DENND2B: variants seen among roughly 807,000 people sequenced by gnomAD.
The protein encoded by DENND2B is DENN domain containing 2B, also known as DENN domain-containing protein 2B.
In DENND2B, 32 loss-of-function variants were observed where a neutral mutation model predicts 116.0. The observed-to-expected ratio is 0.28, with a 90% confidence interval of 0.21 to 0.37. The LOEUF (loss-of-function observed/expected upper bound fraction) is 0.37, where lower values mean the gene tolerates loss of function less well. Ranked by LOEUF, DENND2B falls within the 10% of genes least tolerant of loss-of-function variation. The pLI is 1.00. For synonymous variants in DENND2B, 588 were observed against 583.9 expected (o/e 1.01, Z -0.10); for missense variants, 1,276 against 1,477.7 (o/e 0.86, Z 2.24).
intron 2 of DENND2B, among the ~76,000 whole-genome samples, chr11:8,745,770 T>C (rs1016401982): frequency 6.6e-6 from 1 of 152,216 alleles, no homozygotes; most frequent in Non-Finnish European, 1.5e-5. Context: ...TATGAAGGCA[T>C]GCTGCCAAGT....
chr11:8,788,345 C>A (rs144990889), intron 1 of DENND2B, among the ~76,000 whole-genome samples: 54 of 152,288 alleles, frequency 3.5e-4, no homozygotes, highest in Admixed American at 1.9e-3. Flanking sequence ...TATCACAATT[C>A]TTTTCCTCTT....
At chr11:8,817,813 A>C (rs2061622450) in intron 4 of DENND2B, among the ~76,000 whole-genome samples, 1 of 152,066 alleles carries the variant, frequency 6.6e-6, no homozygotes, top group Admixed American at 6.6e-5. Flanking sequence ...CAATTTTCTG[A>C]AATCTCTCAA....
intron 1 of DENND2B, among the ~76,000 whole-genome samples, chr11:8,884,321 T>TG (rs2063936214): frequency 6.6e-6 from 1 of 152,118 alleles, no homozygotes; most frequent in Admixed American, 6.5e-5. Context: ...CCTTTGTTTT[T>TG]TTGTTGTTGT....
Position 8,786,636 on chromosome 11 carries a change from C to G in DENND2B, c.-26+23881G>C, listed in dbSNP as rs1213368768. On this transcript the variant is annotated intron_variant, in intron 1 of 19. Coordinates refer to ENST00000313726, the MANE Select transcript of DENND2B (RefSeq NM_213618.2). Reference sequence around the variant, plus strand: ...ATCAGGCTGGGCAACATGGCAAGAACCCATCTCTACAAAAAGTTTAAAAAT... The same window carrying G: ...ATCAGGCTGGGCAACATGGCAAGAAGCCATCTCTACAAAAAGTTTAAAAAT... 2.6e-5 allele frequency among the ~76,000 whole-genome samples: 4 copies of G among 152,086 alleles called. No homozygotes were observed. The East Asian group carries it at 7.7e-4, about 29-fold the overall frequency.
intron 17 of DENND2B, among the ~76,000 whole-genome samples, chr11:8,697,062 G>A (rs1421505208): frequency 6.6e-6 from 1 of 152,168 alleles, no homozygotes; most frequent in Non-Finnish European, 1.5e-5. Context: ...CACCACACCC[G>A]GCCTCTGGAA....
In DENND2B at chr11:8,731,056, CT is replaced by C. The variant is rs935763398; in HGVS notation, c.233del (p.Gln78ArgfsTer48). On this transcript the variant is annotated frameshift_variant, in exon 3 of 20. Coordinates refer to ENST00000313726, the MANE Select transcript of DENND2B (RefSeq NM_213618.2). LOFTEE classifies it high-confidence loss of function. Reference protein sequence around the residue: ...KDRHPPAPSPQNPQDPSPDTS... With the variant: ...KDRHPPAPSPXNPQDPSPDTS... ...TATCTGGGGAGGGATCTTGAGGATT[CT>C]GGGGTGAAGGAGCTGGGGGGTGCCG... The C allele has an allele frequency of 6.2e-7, 1 of 1,613,800 alleles. No homozygotes were observed. The highest frequency in any genetic ancestry group is 8.5e-7 in the Non-Finnish European group (1 of 1,179,940).
At chr11:8,803,086 T>C (rs779065537) in intron 1 of DENND2B, among the ~76,000 whole-genome samples, 4 of 152,118 alleles carry the variant, frequency 2.6e-5, no homozygotes, top group Non-Finnish European at 5.9e-5. Context: ...ATATACACAT[T>C]TGAAAAGTCA....
At chr11:8,829,487 C>G (rs564374244) in intron 4 of DENND2B, among the ~76,000 whole-genome samples, 1 of 152,088 alleles carries the variant, frequency 6.6e-6, no homozygotes, top group African/African-American at 2.4e-5. Context: ...TTTTTGTGCA[C>G]TCCTATGAAT....
chr11:8,698,302 C>G (rs1042510459), intron 16 of DENND2B, among the ~76,000 whole-genome samples: 1 of 152,096 alleles, frequency 6.6e-6, no homozygotes, highest in East Asian at 1.9e-4. Context: ...GGGACTGTGG[C>G]CAGCCTGTGT....
At chr11:8,758,259 A>C (rs933453700) in intron 1 of DENND2B, among the ~76,000 whole-genome samples, 1 of 152,142 alleles carries the variant, frequency 6.6e-6, no homozygotes, top group Admixed American at 6.6e-5. Context: ...AAAAGATGGC[A>C]CTCAGCCCCT....
At chr11:8,769,243 T>TC (rs1333818148) in intron 1 of DENND2B, among the ~76,000 whole-genome samples, 1 of 151,112 alleles carries the variant, frequency 6.6e-6, no homozygotes, top group East Asian at 1.9e-4. Flanking sequence ...CAACTTCTTT[T>TC]TTTTTTTTTT....
At chr11:8,879,711 A>G (rs2063881860) in intron 2 of DENND2B, among the ~76,000 whole-genome samples, 1 of 152,170 alleles carries the variant, frequency 6.6e-6, no homozygotes, top group African/African-American at 2.4e-5. Context: ...TCAAAATGCA[A>G]TGCTCTGGTC....
At chr11:8,859,999 A>C (rs1040686443) in intron 2 of DENND2B, among the ~76,000 whole-genome samples, 3 of 152,208 alleles carry the variant, frequency 2.0e-5, no homozygotes, top group African/African-American at 7.2e-5. Context: ...TAAACAATGA[A>C]GCCAAAATAT....
intron 1 of DENND2B, among the ~76,000 whole-genome samples, chr11:8,774,995 C>G (rs1408353476): frequency 6.6e-6 from 1 of 151,990 alleles, no homozygotes; most frequent in African/African-American, 2.4e-5. Context: ...ATTCTCCCAC[C>G]TCAGCCTCCT....
rs753520007 is a variant in DENND2B at position 8,699,189 on chromosome 11, C to T, written c.2898+24G>A. On this transcript the variant is annotated intron_variant, in intron 15 of 19. Transcript: ENST00000313726. ...CTGCTTCCCCCTCCACCCTTCCCCC[C>T]AGCTGGTTCCCCCGGTGGCCCACCT... 14 of 1,541,434 alleles carry T rather than the reference C, an allele frequency of 9.1e-6. No individual in the cohort carries two copies. The Admixed American group carries it at 1.5e-4, about 17-fold the overall frequency.
intron 3 of DENND2B, among the ~76,000 whole-genome samples, chr11:8,729,205 C>T (rs963238194): frequency 2.0e-5 from 3 of 152,134 alleles, no homozygotes; most frequent in Non-Finnish European, 4.4e-5. Context: ...TAAGTATTCC[C>T]AAGGAAGCTC....
chr11:8,806,623 C>CACACACACACACACAT, intron 1 of DENND2B, among the ~76,000 whole-genome samples: 1 of 151,596 alleles, frequency 6.6e-6, no homozygotes, highest in South Asian at 2.1e-4. Flanking sequence ...CACACACACA[C>CACACACACACACACAT]ACACACACAC....
Position 8,715,620 on chromosome 11 carries a change from C to T in DENND2B, c.1828G>A (p.Ala610Thr), listed in dbSNP as rs767036094. The T allele has an allele frequency of 1.2e-6, 2 of 1,612,038 alleles. No individual in the cohort carries two copies. The highest frequency in any genetic ancestry group is 2.2e-5 in the East Asian group (1 of 44,848). The stretch of plus-strand genomic sequence containing the variant: ...GAGGGTACCTTGGGAATGCGGCGGG[C>T]CCGGCGGCTGGACAGCAGCTCGCTG... ...TTSELLSSRR[A>T]RRIPKLVQRI... Residue 610 changes from alanine (A) to threonine (T), a missense_variant, in exon 6 of 20, where the codon GCC becomes ACC. Physicochemically the swap from Ala to Thr is moderately conservative, Grantham distance 58 (BLOSUM62 0). This residue lies in a region of DENND2B where 856 missense variants were observed against 846.6 expected (regional missense o/e 1.01). Transcript: ENST00000313726.
chr11:8,737,146 T>C (rs925534085), intron 2 of DENND2B, among the ~76,000 whole-genome samples: 3 of 152,140 alleles, frequency 2.0e-5, no homozygotes, highest in African/African-American at 7.2e-5. Context: ...ACTGGTAGAA[T>C]AGAGTCTGGG....
Sources: allele counts gnomAD v4.1 joint callset (sites outside exome capture counted in the v4.1 genomes callset), GRCh38; gene constraint gnomAD v4.1.1; regional missense constraint gnomAD v4.1.1; transcripts MANE v1.5; gene names NCBI Gene and HGNC (gene_info 2026-07-23, HGNC 2026-07-21).